The following NKAIN3 variants were observed in gnomAD, a reference collection of about 807,000 sequenced individuals.
NKAIN3 encodes sodium/potassium-transporting ATPase subunit beta-1-interacting protein 3.
In NKAIN3, 25 loss-of-function variants were observed where a neutral mutation model predicts 30.2. The ratio of observed to expected loss-of-function variants is 0.83; its 90% CI spans 0.60 to 1.16. The LOEUF (loss-of-function observed/expected upper bound fraction) is 1.16, where lower values mean the gene tolerates loss of function less well. Ranked by LOEUF, NKAIN3 falls within the 50% of genes most tolerant of loss-of-function variation. The probability of loss-of-function intolerance (pLI) is 0.00; values close to 1 mark genes in which losing one functional copy is unlikely to be tolerated. For synonymous variants in NKAIN3, 91 were observed against 89.6 expected (o/e 1.02, Z -0.09); for missense variants, 225 against 254.1 (o/e 0.89, Z 0.78).
At chr8:62,863,219 G>C (rs183731047) in intron 4 of NKAIN3, 1 of 1,557,316 alleles carries the variant, frequency 6.4e-7, no homozygotes, top group Non-Finnish European at 8.8e-7. Context: ...AACTCAGCCT[G>C]CCTCTTCTGT....
intron 2 of NKAIN3, among the ~76,000 whole-genome samples, chr8:62,582,133 T>C (rs1293400043): frequency 1.3e-5 from 1 of 76,024 alleles, no homozygotes; most frequent in Non-Finnish European, 3.2e-5. Context: ...CTTCCTTCCT[T>C]TCTTCCTTCC....
At chr8:62,284,360 T>G (rs1470167796) in intron 1 of NKAIN3, among the ~76,000 whole-genome samples, 5 of 152,112 alleles carry the variant, frequency 3.3e-5, no homozygotes, top group Non-Finnish European at 5.9e-5. Flanking sequence ...CCAGGCGCGG[T>G]GGCTTACGTC....
At chr8:62,429,700 A>C (rs1804933890) in intron 1 of NKAIN3, among the ~76,000 whole-genome samples, 1 of 151,880 alleles carries the variant, frequency 6.6e-6, no homozygotes. Context: ...CTAATAGTGC[A>C]CCACCGTGGA....
chr8:62,689,220 A>T (rs1586091460), intron 3 of NKAIN3, among the ~76,000 whole-genome samples: 1 of 152,304 alleles, frequency 6.6e-6, no homozygotes, highest in Admixed American at 6.5e-5. Context: ...TGATGCAACA[A>T]AAAGTGCTTG....
At chr8:62,463,048 C>T (rs772259451) in intron 1 of NKAIN3, among the ~76,000 whole-genome samples, 6 of 152,154 alleles carry the variant, frequency 3.9e-5, no homozygotes, top group Non-Finnish European at 7.4e-5. Context: ...TGTTATAGCA[C>T]TTCTCATCTT....
At chr8:62,465,622 G>T (rs1407228950) in intron 1 of NKAIN3, among the ~76,000 whole-genome samples, 8 of 152,158 alleles carry the variant, frequency 5.3e-5, no homozygotes, top group Non-Finnish European at 8.8e-5. Flanking sequence ...ATTTATTCTT[G>T]GACAGCTGTG....
intron 3 of NKAIN3, among the ~76,000 whole-genome samples, chr8:62,743,529 G>A (rs1194281216): frequency 6.6e-6 from 1 of 152,156 alleles, no homozygotes; most frequent in Non-Finnish European, 1.5e-5. Context: ...AAGATTCAGG[G>A]AAAACTGTCT....
intron 1 of NKAIN3, among the ~76,000 whole-genome samples, chr8:62,459,710 A>G (rs1482590929): frequency 1.3e-5 from 2 of 152,236 alleles, no homozygotes; most frequent in African/African-American, 4.8e-5. Flanking sequence ...AAAATGGAGT[A>G]TGCAATACAT....
In NKAIN3 at chr8:62,407,287, G is replaced by GTA. The variant is rs370029388; in HGVS notation, c.54+158173_54+158174dup. 2.4e-3 allele frequency among the ~76,000 whole-genome samples: 354 copies of GTA among 148,456 alleles called. 1 individual carries two copies. The highest frequency in any genetic ancestry group is 4.5e-3 in the African/African-American group (184 of 40,566). ...ACACAAAAATTATATGTATATGTGT[G>GTA]TATATATATATATACTTGCATGCTT... On this transcript the variant is annotated intron_variant, in intron 1 of 6. Transcript: ENST00000623646.
chr8:62,334,738 T>C (rs1026133608), intron 1 of NKAIN3, among the ~76,000 whole-genome samples: 15 of 152,182 alleles, frequency 9.9e-5, no homozygotes, highest in African/African-American at 3.6e-4. Context: ...GGGGTTTGGC[T>C]GGGCAATTCT....
At position 62,838,308 on chromosome 8, in the gene NKAIN3, T is replaced by A. The variant is rs551287496; in HGVS notation, c.472-80145T>A. On this transcript the variant is annotated intron_variant, in intron 4 of 6. Coordinates refer to ENST00000623646, the MANE Select transcript of NKAIN3 (RefSeq NM_001304533.3). ...TTCATCATCAGAGGCAAAGTGAATT[T>A]TATATATATACATATATATATACAC... 7.9e-4 allele frequency among the ~76,000 whole-genome samples: 120 copies of A among 151,812 alleles called. No homozygotes were observed. In the South Asian group the frequency reaches 0.014, roughly 18 times the overall value.
At chr8:62,559,505 C>T (rs140814833) in intron 1 of NKAIN3, among the ~76,000 whole-genome samples, 2 of 152,020 alleles carry the variant, frequency 1.3e-5, no homozygotes, top group East Asian at 3.9e-4. Context: ...TCTTTCCCTG[C>T]CTTCCTTTAG....
chr8:62,344,818 AT>A, intron 1 of NKAIN3: 5 of 426,302 alleles, frequency 1.2e-5, no homozygotes, highest in South Asian at 1.7e-5. Context: ...TGAATTTTAA[AT>A]TTTTTTCTTT....
chr8:62,612,778 A>G (rs979310447), intron 3 of NKAIN3, among the ~76,000 whole-genome samples: 2 of 151,626 alleles, frequency 1.3e-5, no homozygotes, highest in African/African-American at 2.4e-5. Context: ...TATCCATTGT[A>G]TGTTTTTTGG....
intron 4 of NKAIN3, chr8:62,863,714 C>A: frequency 6.4e-7 from 1 of 1,561,972 alleles, no homozygotes; most frequent in Non-Finnish European, 8.8e-7. Flanking sequence ...ACGCTGAGCA[C>A]TTTTTACAAC....
intron 3 of NKAIN3, among the ~76,000 whole-genome samples, chr8:62,716,556 C>T (rs1814909323): frequency 6.6e-6 from 1 of 152,010 alleles, no homozygotes; most frequent in Non-Finnish European, 1.5e-5. Context: ...AGAACATTAA[C>T]AAAATGATCA....
chr8:62,372,243 C>T (rs1173360357), intron 1 of NKAIN3, among the ~76,000 whole-genome samples: 3 of 151,800 alleles, frequency 2.0e-5, no homozygotes, highest in Non-Finnish European at 4.4e-5. Context: ...GTCACACACA[C>T]ATATATTCTT....
chr8:62,809,769 G>C (rs1477653345), intron 4 of NKAIN3, among the ~76,000 whole-genome samples: 2 of 152,176 alleles, frequency 1.3e-5, no homozygotes, highest in Non-Finnish European at 2.9e-5. Context: ...ACACTTTACA[G>C]ATGAGGAAAC....
chr8:62,632,985 T>C lies in NKAIN3; in HGVS notation c.273+43191T>C, dbSNP rs150783883. Among the ~76,000 whole-genome samples the C allele has an allele frequency of 3.2e-4, 48 of 152,260 alleles. 1 individual carries two copies. The East Asian group carries it at 7.2e-3, about 23-fold the overall frequency. ...CCTGGGAATGGAGGCAGAGTGGCAC[T>C]TGGCTGCAGAGGCACAGCAGGGTGG... On this transcript the variant is annotated intron_variant, in intron 3 of 6. Coordinates refer to ENST00000623646, the MANE Select transcript of NKAIN3 (RefSeq NM_001304533.3).
Sources: gnomAD v4.1 joint callset for allele counts (sites outside exome capture counted in the v4.1 genomes callset) on GRCh38, gnomAD v4.1.1 for gene constraint, MANE v1.5 for transcripts, NCBI Gene and HGNC (gene_info 2026-07-23, HGNC 2026-07-21) for gene names.